PCDHA2: variants seen among roughly 807,000 people sequenced by gnomAD.
The protein encoded by PCDHA2 is protocadherin alpha 2, also known as protocadherin alpha-2.
Under a neutral mutation model 66.0 loss-of-function variants are expected in PCDHA2, and 58 were observed. That is an observed-to-expected ratio of 0.88 (90% CI 0.71 to 1.09). The LOEUF is 1.09. Among genes scored for constraint, PCDHA2 ranks in the 50% least tolerant of loss-of-function variants. The pLI, the probability that PCDHA2 is intolerant of heterozygous loss-of-function variation, is 0.00. For synonymous variants in PCDHA2, 634 were observed against 554.0 expected, an observed-to-expected ratio of 1.14 and a Z score of -2.03; for missense variants, 1,267 against 1,242.3, an observed-to-expected ratio of 1.02 and a Z score of -0.30.
At chr5:140,961,888 T>C (rs1361187779) in intron 1 of PCDHA2, among the ~76,000 whole-genome samples, 8 of 124,918 alleles carry the variant, frequency 6.4e-5, no homozygotes, top group Non-Finnish European at 9.4e-5. Context: ...CTTACATCAG[T>C]TTTTTTTTTT....
intron 1 of PCDHA2, among the ~76,000 whole-genome samples, chr5:140,956,132 C>G (rs782171826): frequency 2.6e-5 from 4 of 152,028 alleles, no homozygotes; most frequent in Admixed American, 6.6e-5. Context: ...ATTTGAATAC[C>G]CTTTATTTCT....
intron 1 of PCDHA2, among the ~76,000 whole-genome samples, chr5:140,951,082 CTTT>C (rs573059224): frequency 6.6e-6 from 1 of 151,404 alleles, no homozygotes; most frequent in African/African-American, 2.4e-5. Flanking sequence ...TTATATTTTC[CTTT>C]TTTTCTGATA....
intron 1 of PCDHA2, chr5:140,809,023 G>T: frequency 6.2e-7 from 1 of 1,613,728 alleles, no homozygotes; most frequent in Non-Finnish European, 8.5e-7. Flanking sequence ...ACGAGCTGCA[G>T]CCGGGGACTG....
chr5:140,848,535 C>G (rs2150412209), intron 1 of PCDHA2: 2 of 1,595,366 alleles, frequency 1.3e-6, no homozygotes, highest in South Asian at 2.2e-5. Context: ...GGGTCAGCCT[C>G]TACTGCTCTC....
rs782764086 is a variant in PCDHA2, at chr5:140,796,182, G to C, written c.1218G>C (p.Ser406=). Residue 406 remains serine, a synonymous_variant, in exon 1 of 4, where the codon TCG becomes TCC. Coordinates refer to ENST00000526136, the MANE Select transcript of PCDHA2 (RefSeq NM_018905.3). Reference sequence around the variant, plus strand: ...TGTCCACCTTCAAGAATTACTACTCGTTGGTGCTGGACAGCGCCCTGGACC... The same window carrying C: ...TGTCCACCTTCAAGAATTACTACTCCTTGGTGCTGGACAGCGCCCTGGACC... ...KLVSTFKNYY[S]LVLDSALDRE... is the part of the protein sequence containing the mutation. 8 of 1,614,162 alleles carry C rather than the reference G, an allele frequency of 5.0e-6. No individual in the cohort carries two copies. Among genetic ancestry groups the C allele is most frequent in the Non-Finnish European group, 4.2e-6 (5 of 1,180,030 alleles).
intron 1 of PCDHA2, chr5:140,816,269 C>T: frequency 6.6e-6 from 1 of 152,132 alleles, no homozygotes; most frequent in East Asian, 1.9e-4. Context: ...ACTCATTCTT[C>T]TACTTGATTA....
At chr5:140,946,875 G>C (rs1283632599) in intron 1 of PCDHA2, among the ~76,000 whole-genome samples, 2 of 151,288 alleles carry the variant, frequency 1.3e-5, no homozygotes, top group Non-Finnish European at 3.0e-5. Context: ...TGGTCAATGG[G>C]TACGAAGTTA....
chr5:140,854,357 G>A (rs251358), intron 1 of PCDHA2: 79,269 of 162,662 alleles, frequency 0.49, 22,300 homozygotes, highest in South Asian at 0.62. Context: ...TAAAACAAAC[G>A]TTGATATTTT....
In PCDHA2 at chr5:140,796,605, C is replaced by T; in HGVS notation, c.1641C>T (p.Ser547=). The change falls in exon 1 of 4, where the codon AGC becomes AGT. Residue 547 remains serine, a synonymous_variant. Transcript: ENST00000526136. ...ARDAGVPPLG[S]NVTLQVFVLD... ...ATGCGGGCGTGCCGCCTCTGGGCAG[C>T]AACGTGACGCTGCAGGTGTTCGTGC... The T allele has an allele frequency of 6.2e-7, 1 of 1,613,674 alleles. No individual in the cohort carries two copies. The highest frequency in any genetic ancestry group is 8.5e-7 in the Non-Finnish European group (1 of 1,179,886).
At chr5:140,986,081 A>AT (rs2097186605) in intron 3 of PCDHA2, among the ~76,000 whole-genome samples, 1 of 152,010 alleles carries the variant, frequency 6.6e-6, no homozygotes, top group South Asian at 2.1e-4. Context: ...CTGTTCATTT[A>AT]TTTTCACAGT....
intron 1 of PCDHA2, chr5:140,867,695 C>T (rs1283173997): frequency 6.6e-6 from 1 of 151,790 alleles, no homozygotes; most frequent in African/African-American, 2.4e-5. Context: ...TCTTTTTTTC[C>T]TCCTAAATCC....
chr5:140,893,195 C>T (rs1445634918), intron 1 of PCDHA2, among the ~76,000 whole-genome samples: 2 of 152,164 alleles, frequency 1.3e-5, no homozygotes, highest in Admixed American at 1.3e-4. Context: ...GTGAATAGTG[C>T]TGCAGTAAGT....
chr5:140,977,245 AC>A (rs2096751811), intron 1 of PCDHA2, among the ~76,000 whole-genome samples: 1 of 152,212 alleles, frequency 6.6e-6, no homozygotes, highest in Non-Finnish European at 1.5e-5. Context: ...AAAATTGGCA[AC>A]ATTTCTCAGC....
chr5:140,837,979 T>G (rs1775353810), intron 1 of PCDHA2, among the ~76,000 whole-genome samples: 1 of 151,792 alleles, frequency 6.6e-6, no homozygotes, highest in Non-Finnish European at 1.5e-5. Flanking sequence ...ACACCCAGCC[T>G]GCCTTTCATC....
chr5:140,871,176 G>A (rs782559553), intron 1 of PCDHA2: 12 of 1,613,416 alleles, frequency 7.4e-6, no homozygotes, highest in Non-Finnish European at 1.0e-5. Flanking sequence ...CAGAGGCTGC[G>A]CTGGTGGATG....
At chr5:140,803,669 T>C (rs1554122921) in intron 1 of PCDHA2, 1 of 1,600,140 alleles carries the variant, frequency 6.2e-7, no homozygotes, top group African/African-American at 1.3e-5. Flanking sequence ...TGGAAATACA[T>C]TAATAGTTAA....
At chr5:140,913,122 C>A (rs2076217505) in intron 1 of PCDHA2, among the ~76,000 whole-genome samples, 1 of 152,158 alleles carries the variant, frequency 6.6e-6, no homozygotes, top group African/African-American at 2.4e-5. Context: ...TGGAAGTTAA[C>A]CCCTCCTCTA....
intron 1 of PCDHA2, chr5:140,808,126 C>T: frequency 1.2e-6 from 2 of 1,613,832 alleles, no homozygotes; most frequent in Non-Finnish European, 1.7e-6. Context: ...TTGAAGAAAG[C>T]AAATCCTATG....
intron 1 of PCDHA2, among the ~76,000 whole-genome samples, chr5:140,943,614 A>G (rs1269579212): frequency 6.6e-6 from 1 of 152,220 alleles, no homozygotes; most frequent in Admixed American, 6.5e-5. Context: ...ACTTTGATTC[A>G]TCTGCATAAG....
Sources: allele counts gnomAD v4.1 joint callset (sites outside exome capture counted in the v4.1 genomes callset), GRCh38; gene constraint gnomAD v4.1.1; transcripts MANE v1.5; gene names NCBI Gene and HGNC (gene_info 2026-07-23, HGNC 2026-07-21).